THOC2: variants seen among roughly 807,000 people sequenced by gnomAD.
The protein encoded by THOC2 is THO complex 2.
In THOC2, 10 loss-of-function variants were observed where a neutral mutation model predicts 128.4. The ratio of observed to expected loss-of-function variants is 0.08; its 90% confidence interval spans 0.05 to 0.13. THOC2 has a LOEUF of 0.13. Among genes scored for constraint, THOC2 ranks in the 10% least tolerant of loss-of-function variants. The probability of loss-of-function intolerance (pLI) is 1.00; values close to 1 mark genes in which losing one functional copy is unlikely to be tolerated. For synonymous variants in THOC2, 393 were observed against 396.9 expected (o/e 0.99, Z 0.12); for missense variants, 535 against 1,155.7 (o/e 0.46, Z 7.79).
chrX:123,607,909 A>G (rs866528252), intron 38 of THOC2, among the ~76,000 whole-genome samples: 1 of 109,733 alleles, frequency 9.1e-6, no homozygotes, highest in Non-Finnish European at 1.9e-5. Context: ...AGACCTGACC[A>G]ACCCTGGAAT....
At chrX:123,724,406 C>T (rs1603344983) in intron 1 of THOC2, among the ~76,000 whole-genome samples, 1 of 112,120 alleles carries the variant, frequency 8.9e-6, no homozygotes, top group Non-Finnish European at 1.9e-5. Context: ...CAATGGAAGC[C>T]GGGCACTGTA....
intron 18 of THOC2, among the ~76,000 whole-genome samples, chrX:123,637,629 G>A (rs1037189558): frequency 1.2e-4 from 13 of 110,621 alleles, no homozygotes; most frequent in Non-Finnish European, 2.1e-4. Flanking sequence ...GCGTGGTGGC[G>A]CGTGCCTGTA....
chrX:123,696,604 T>C, intron 6 of THOC2, 117 bp downstream of exon 6: 1 of 758,338 alleles, frequency 1.3e-6, no homozygotes, highest in Non-Finnish European at 1.8e-6. Flanking sequence ...CAAGACATGC[T>C]AACCACAAAC....
chrX:123,625,879 G>A (rs1397498869), intron 25 of THOC2, 33 bp downstream of exon 25: 1 of 1,182,545 alleles, frequency 8.5e-7, no homozygotes, highest in Admixed American at 2.3e-5. Flanking sequence ...ATCTTTGTGT[G>A]AGAACTTTTT....
intron 1 of THOC2, among the ~76,000 whole-genome samples, chrX:123,717,224 T>A (rs2051462911): frequency 9.0e-6 from 1 of 111,461 alleles, no homozygotes. Flanking sequence ...ATAAATATAC[T>A]GTATCCATCA....
At chrX:123,665,989 A>G in intron 11 of THOC2, 152 bp from the exon 12 acceptor site, 1 of 285,939 alleles carries the variant, frequency 3.5e-6, no homozygotes, top group Admixed American at 6.4e-5. Flanking sequence ...CTACATTTCA[A>G]TTGTGCCTAA....
chrX:123,655,830 G>A (rs2147758274), intron 12 of THOC2, among the ~76,000 whole-genome samples: 1 of 111,202 alleles, frequency 9.0e-6, no homozygotes, highest in East Asian at 2.8e-4. Context: ...AGTCTTTCTA[G>A]ACAAATTAAT....
At position 123,656,723 on chromosome X, in the gene THOC2, C is replaced by T. The variant is rs189211762; in HGVS notation, c.1386+8919G>A. ...AAACTCTGTCTCAAAAAAACAAAGGCGGGGAGCCGGGCATGGTGGCTCACG... is the reference window on the plus strand; with the variant it reads ...AAACTCTGTCTCAAAAAAACAAAGGTGGGGAGCCGGGCATGGTGGCTCACG... On this transcript the variant is annotated intron_variant, in intron 12 of 38. Transcript: ENST00000245838. Among the ~76,000 whole-genome samples the T allele has an allele frequency of 6.6e-3, 703 of 105,890 alleles. 3 individuals are homozygous for T. The highest frequency in any genetic ancestry group is 0.01 in the Non-Finnish European group (527 of 51,245). The allele number at this position is 105,890 out of a possible 115,157, so 92.0% of individuals were successfully genotyped here.
intron 12 of THOC2, among the ~76,000 whole-genome samples, chrX:123,647,221 T>C (rs746559028): frequency 1.8e-5 from 2 of 112,219 alleles, no homozygotes; most frequent in South Asian, 7.4e-4. Flanking sequence ...AGTCGAATTA[T>C]AGCAAGAATG....
intron 9 of THOC2, among the ~76,000 whole-genome samples, chrX:123,671,243 C>T (rs1333382393): frequency 2.7e-5 from 3 of 111,258 alleles, no homozygotes; most frequent in Non-Finnish European, 5.7e-5. Context: ...ATCCTGAATG[C>T]CTAAAATTAA....
intron 12 of THOC2, among the ~76,000 whole-genome samples, chrX:123,663,841 A>G (rs1014938553): frequency 1.4e-4 from 16 of 110,823 alleles, no homozygotes; most frequent in African/African-American, 5.3e-4. Context: ...TCCTTGTTCA[A>G]TTCCCACCTA....
chrX:123,654,242 CAG>C (rs1270733317), intron 12 of THOC2, among the ~76,000 whole-genome samples: 2 of 109,146 alleles, frequency 1.8e-5, no homozygotes, highest in Non-Finnish European at 3.8e-5. Flanking sequence ...ACATCACACA[CAG>C]GGGTCTGTAG....
At chrX:123,719,019 T>A (rs200132162) in intron 1 of THOC2, among the ~76,000 whole-genome samples, 1 of 106,966 alleles carries the variant, frequency 9.3e-6, no homozygotes, top group Non-Finnish European at 1.9e-5. Context: ...ACTAAAAAAA[T>A]TCGAAAAAAT....
At chrX:123,711,242 G>C (rs1220752820) in intron 2 of THOC2, among the ~76,000 whole-genome samples, 6 of 101,037 alleles carry the variant, frequency 5.9e-5, no homozygotes, top group Non-Finnish European at 1.2e-4. Flanking sequence ...ATATTAGCCA[G>C]GCTGGTCTCG....
intron 9 of THOC2, among the ~76,000 whole-genome samples, chrX:123,670,266 G>C (rs1240130347): frequency 8.9e-6 from 1 of 111,988 alleles, no homozygotes; most frequent in Non-Finnish European, 1.9e-5. Context: ...TACCACCCTA[G>C]GCTCCAACCA....
chrX:123,709,916 G>A, intron 2 of THOC2, among the ~76,000 whole-genome samples: 1 of 110,732 alleles, frequency 9.0e-6, no homozygotes, highest in South Asian at 3.9e-4. Context: ...ATTGGCAGTG[G>A]CTGGGGTGGG....
chrX:123,726,214 A>T (rs936908325), intron 1 of THOC2, among the ~76,000 whole-genome samples: 39 of 108,843 alleles, frequency 3.6e-4, no homozygotes, highest in Non-Finnish European at 5.5e-4. Context: ...GTCTCAAAAA[A>T]AATAATAATA....
In THOC2 at chrX:123,619,642, A is replaced by G. The variant is rs939476332; in HGVS notation, c.4276-206T>C. ...GTTAAAAACTAAATTAAATGTACTC[A>G]ATGTAAGAAATAAAAATCTTTCTCT... On this transcript the variant is annotated intron_variant, in intron 32 of 38. Coordinates refer to ENST00000245838, the MANE Select transcript of THOC2 (RefSeq NM_001081550.2). The G allele has an allele frequency of 1.2e-4, 44 of 375,242 alleles. No homozygotes were observed. The Middle Eastern group carries it at 2.2e-3, about 19-fold the overall frequency. The allele number at this position is 375,242 out of a possible 1,213,427, so 30.9% of individuals were successfully genotyped here.
rs190006912 is a variant in THOC2, at chrX:123,692,225, T to A, written c.601+3796A>T. ...CAAACAAAGGAGTCCACCTGTGATATCCTTTCCTCTAATTTCTAAAAGATG... is the reference window on the plus strand; with the variant it reads ...CAAACAAAGGAGTCCACCTGTGATAACCTTTCCTCTAATTTCTAAAAGATG... On this transcript the variant is annotated intron_variant, in intron 7 of 38. Transcript: ENST00000245838. Among the ~76,000 whole-genome samples, 111 of 112,047 alleles carry A rather than the reference T, an allele frequency of 9.9e-4. 2 individuals are homozygous for A. Among genetic ancestry groups the A allele is most frequent in the African/African-American group, 3.4e-3 (104 of 30,852 alleles).
Sources: allele counts gnomAD v4.1 joint callset (sites outside exome capture counted in the v4.1 genomes callset), GRCh38; gene constraint gnomAD v4.1.1; transcripts MANE v1.5; gene names NCBI Gene and HGNC (gene_info 2026-07-23, HGNC 2026-07-21).